The following ANGPT1 variants were observed in gnomAD, a reference collection of about 807,000 sequenced individuals.
ANGPT1 encodes the protein angiopoietin 1.
Under a neutral mutation model 62.2 loss-of-function variants are expected in ANGPT1, and 17 were observed. The ratio of observed to expected loss-of-function variants is 0.27; its 90% CI spans 0.19 to 0.41. ANGPT1 has a LOEUF of 0.41. ANGPT1 is among the 10% of genes least tolerant of loss of function. ANGPT1 has a pLI of 1.00. For missense variants in ANGPT1, 478 were observed against 594.9 expected (o/e 0.80, Z 2.04); for synonymous variants, 199 against 198.9 (o/e 1.00, Z 0.00).
At chr8:107,324,033 C>T (rs553412395) in intron 3 of ANGPT1, among the ~76,000 whole-genome samples, 1 of 151,628 alleles carries the variant, frequency 6.6e-6, no homozygotes, top group African/African-American at 2.4e-5. Context: ...CCCGCCTCGG[C>T]CTCCCAAAGT....
intron 1 of ANGPT1, among the ~76,000 whole-genome samples, chr8:107,396,517 C>CTTTTTTTTTTT (rs10686360): frequency 1.8e-4 from 15 of 84,828 alleles, no homozygotes; most frequent in East Asian, 8.2e-4. Context: ...TCTTTTCTCT[C>CTTTTTTTTTTT]TTTTTTTTTT....
intron 1 of ANGPT1, among the ~76,000 whole-genome samples, chr8:107,388,290 C>T (rs1816770997): frequency 6.6e-6 from 1 of 151,984 alleles, no homozygotes; most frequent in Non-Finnish European, 1.5e-5. Context: ...TGGCATGTAC[C>T]TACGGTCCTA....
At chr8:107,452,667 A>C (rs918260339) in intron 1 of ANGPT1, among the ~76,000 whole-genome samples, 17 of 151,930 alleles carry the variant, frequency 1.1e-4, no homozygotes, top group Non-Finnish European at 1.9e-4. Flanking sequence ...ATATTTCTTA[A>C]ATTTTAAAAA....
At chr8:107,368,402 A>G (rs1307520722) in intron 1 of ANGPT1, among the ~76,000 whole-genome samples, 2 of 152,072 alleles carry the variant, frequency 1.3e-5, no homozygotes, top group African/African-American at 2.4e-5. Flanking sequence ...GGCAGAGTAG[A>G]TGTAGAATAA....
chr8:107,303,513 T>A, intron 4 of ANGPT1, 146 bp from the exon 5 acceptor site: 1 of 601,008 alleles, frequency 1.7e-6, no homozygotes, highest in Non-Finnish European at 2.6e-6. Context: ...ATAAAGACAA[T>A]ACTAGATTTT....
chr8:107,363,877 A>G (rs1816218316), intron 1 of ANGPT1, among the ~76,000 whole-genome samples: 1 of 152,076 alleles, frequency 6.6e-6, no homozygotes, highest in African/African-American at 2.4e-5. Flanking sequence ...ATCTGTAAAT[A>G]TAATAATATC....
intron 2 of ANGPT1, among the ~76,000 whole-genome samples, chr8:107,342,999 CT>C (rs5893847): frequency 0.53 from 65,971 of 124,500 alleles, 17,090 homozygotes; most frequent in African/African-American, 0.71. Flanking sequence ...CCATGCCTGG[CT>C]TTTTTTTTTT....
chr8:107,350,505 T>G (rs1415754325), intron 1 of ANGPT1, among the ~76,000 whole-genome samples: 2 of 152,144 alleles, frequency 1.3e-5, no homozygotes, highest in African/African-American at 4.8e-5. Flanking sequence ...TTGACCATTC[T>G]GTACTATTGT....
chr8:107,363,731 T>C (rs1816215412), intron 1 of ANGPT1, among the ~76,000 whole-genome samples: 1 of 152,166 alleles, frequency 6.6e-6, no homozygotes, highest in Non-Finnish European at 1.5e-5. Flanking sequence ...TCAGTGGGCA[T>C]GGATGTGACA....
At chr8:107,326,989 C>T (rs1241051341) in intron 3 of ANGPT1, among the ~76,000 whole-genome samples, 1 of 152,090 alleles carries the variant, frequency 6.6e-6, no homozygotes, top group African/African-American at 2.4e-5. Context: ...TTTTATTCAT[C>T]ATGTTATACC....
intron 1 of ANGPT1, among the ~76,000 whole-genome samples, chr8:107,437,935 A>G (rs981977036): frequency 6.6e-6 from 1 of 152,204 alleles, no homozygotes; most frequent in Non-Finnish European, 1.5e-5. Context: ...GAACCTGTGT[A>G]GGGCACTCTG....
intron 1 of ANGPT1, among the ~76,000 whole-genome samples, chr8:107,408,121 C>T (rs1817187493): frequency 6.6e-6 from 1 of 151,814 alleles, no homozygotes; most frequent in South Asian, 2.1e-4. Context: ...TAGATATAGT[C>T]AAAATCCAGC....
intron 1 of ANGPT1, among the ~76,000 whole-genome samples, chr8:107,421,577 T>A (rs1810895225): frequency 6.6e-6 from 1 of 152,266 alleles, no homozygotes; most frequent in East Asian, 1.9e-4. Context: ...ACCTTCCCCA[T>A]CACAAGTATA....
chr8:107,481,654 G>C (rs1333992887), intron 1 of ANGPT1, among the ~76,000 whole-genome samples: 1 of 151,984 alleles, frequency 6.6e-6, no homozygotes, highest in Non-Finnish European at 1.5e-5. Context: ...AAAGAAAAGA[G>C]GTTTAACTGA....
At chr8:107,279,466 G>T (rs1223303050) in intron 7 of ANGPT1, among the ~76,000 whole-genome samples, 1 of 152,126 alleles carries the variant, frequency 6.6e-6, no homozygotes, top group Non-Finnish European at 1.5e-5. Flanking sequence ...GAAATTAACT[G>T]ATGAACTTCT....
intron 1 of ANGPT1, among the ~76,000 whole-genome samples, chr8:107,471,001 A>T (rs1812342467): frequency 6.6e-6 from 1 of 152,168 alleles, no homozygotes. Context: ...TTCCTCAAGG[A>T]TCTAGAATCA....
chr8:107,398,498 CTAT>C (rs1300469530), intron 1 of ANGPT1, among the ~76,000 whole-genome samples: 2 of 88,994 alleles, frequency 2.2e-5, no homozygotes, highest in African/African-American at 9.5e-5. Context: ...TTTTTCTTTT[CTAT>C]TTTTTTTTTT....
chr8:107,332,875 T>G (rs1815455641), intron 3 of ANGPT1, among the ~76,000 whole-genome samples: 1 of 152,222 alleles, frequency 6.6e-6, no homozygotes, highest in East Asian at 1.9e-4. Flanking sequence ...GATGCCTTAA[T>G]GTAGAAATAG....
rs754711860 is a variant in ANGPT1 at position 107,252,048 on chromosome 8, G to A, written c.1337-33C>T. ...AATAATTCATAATAGAAGAGAGAAG[G>A]AGAGGCAACAATTTTAAGTAAATGG... On this transcript the variant is annotated intron_variant, in intron 8 of 8. Coordinates refer to ENST00000517746, the MANE Select transcript of ANGPT1 (RefSeq NM_001146.5). 30 of 1,586,492 alleles carry A rather than the reference G, an allele frequency of 1.9e-5. No homozygotes were observed. In the South Asian group the frequency reaches 3.3e-4, roughly 18 times the overall value.
Sources: allele counts gnomAD v4.1 joint callset (sites outside exome capture counted in the v4.1 genomes callset), GRCh38; gene constraint gnomAD v4.1.1; transcripts MANE v1.5; gene names NCBI Gene and HGNC (gene_info 2026-07-23, HGNC 2026-07-21).